Variants in XRCC5 observed in about 807,000 individuals in gnomAD.
XRCC5 encodes X-ray repair cross complementing 5.
In XRCC5, 12 loss-of-function variants were observed where a neutral mutation model predicts 95.7. That is an observed-to-expected ratio of 0.13 (90% CI 0.08 to 0.20). The LOEUF (loss-of-function observed/expected upper bound fraction) is 0.20. XRCC5 is among the 10% of genes least tolerant of loss of function. The probability of loss-of-function intolerance (pLI) is 1.00; values close to 1 mark genes in which losing one functional copy is unlikely to be tolerated. For missense variants in XRCC5, 595 were observed against 873.9 expected, an observed-to-expected ratio of 0.68 and a Z score of 4.02; for synonymous variants, 281 against 290.3, an observed-to-expected ratio of 0.97 and a Z score of 0.33.
At chr2:216,118,770 G>A (rs1215811926) in intron 4 of XRCC5, among the ~76,000 whole-genome samples, 1 of 152,176 alleles carries the variant, frequency 6.6e-6, no homozygotes, top group Non-Finnish European at 1.5e-5. Flanking sequence ...TGGAGGCTGG[G>A]AAGGGATATT....
intron 17 of XRCC5, among the ~76,000 whole-genome samples, chr2:216,191,261 A>G (rs1466377194): frequency 6.6e-6 from 1 of 152,192 alleles, no homozygotes; most frequent in Non-Finnish European, 1.5e-5. Flanking sequence ...GTGTCTTATA[A>G]CACCTCTGTG....
chr2:216,198,426 G>C (rs1352137093), intron 19 of XRCC5, among the ~76,000 whole-genome samples: 1 of 152,152 alleles, frequency 6.6e-6, no homozygotes, highest in Non-Finnish European at 1.5e-5. Context: ...ACCTGTCACT[G>C]TATCATGCCT....
intron 2 of XRCC5, among the ~76,000 whole-genome samples, chr2:216,114,213 A>G (rs760369365): frequency 2.4e-4 from 37 of 152,218 alleles, no homozygotes; most frequent in Admixed American, 1.1e-3. Context: ...TGCCCCTTCT[A>G]CTTGGTATGA....
At chr2:216,110,930 C>T (rs1391898854) in intron 1 of XRCC5, among the ~76,000 whole-genome samples, 1 of 151,756 alleles carries the variant, frequency 6.6e-6, no homozygotes, top group African/African-American at 2.4e-5. Context: ...TCAGAAATCT[C>T]TTAGTGCATT....
At chr2:216,153,391 G>C (rs1688781756) in intron 14 of XRCC5, among the ~76,000 whole-genome samples, 1 of 152,142 alleles carries the variant, frequency 6.6e-6, no homozygotes, top group Non-Finnish European at 1.5e-5. Context: ...TGTAGAATTT[G>C]TCCTCAGAAA....
chr2:216,126,907 C>CT lies in XRCC5; in HGVS notation c.799-617dup, dbSNP rs532007858. On this transcript the variant is annotated intron_variant, in intron 7 of 20. Transcript: ENST00000392132. Reference sequence around the variant, plus strand: ...GATTTCTGACACAGATATATTGCTTCTTTTTTTTTTTTCTATTGGAAACTA... The same window carrying CT: ...GATTTCTGACACAGATATATTGCTTCTTTTTTTTTTTTTCTATTGGAAACTA... Among the ~76,000 whole-genome samples, 665 of 144,748 alleles carry CT rather than the reference C, an allele frequency of 4.6e-3. 3 individuals carry two copies. Among genetic ancestry groups the CT allele is most frequent in the African/African-American group, 0.014 (539 of 39,718 alleles). The allele number at this position is 144,748 out of a possible 152,430, so 95.0% of individuals were successfully genotyped here.
intron 16 of XRCC5, among the ~76,000 whole-genome samples, chr2:216,169,884 A>AG (rs397694893): frequency 6.7e-6 from 1 of 150,286 alleles, no homozygotes; most frequent in African/African-American, 2.5e-5. Flanking sequence ...AAAAAAAAAA[A>AG]CAAACTTAGG....
At chr2:216,157,767 G>T (rs1200477637) in intron 14 of XRCC5, among the ~76,000 whole-genome samples, 1 of 152,148 alleles carries the variant, frequency 6.6e-6, no homozygotes, top group Non-Finnish European at 1.5e-5. Flanking sequence ...AAATAAGAAA[G>T]GAGAAAGAAC....
At chr2:216,159,763 G>T (rs1688914547) in intron 14 of XRCC5, among the ~76,000 whole-genome samples, 3 of 152,148 alleles carry the variant, frequency 2.0e-5, no homozygotes, top group Non-Finnish European at 4.4e-5. Flanking sequence ...TGTGCTTGCA[G>T]TTTCATCTTT....
At chr2:216,197,107 G>A (rs375111601) in intron 19 of XRCC5, among the ~76,000 whole-genome samples, 3 of 152,188 alleles carry the variant, frequency 2.0e-5, no homozygotes, top group Non-Finnish European at 4.4e-5. Flanking sequence ...ATATTAGACA[G>A]GAAAGAAATC....
intron 7 of XRCC5, 134 bp downstream of exon 7, chr2:216,126,165 T>G: frequency 1.5e-6 from 1 of 684,822 alleles, no homozygotes; most frequent in South Asian, 2.1e-5. Context: ...CCCTGCTCAT[T>G]TAATCTCTGT....
chr2:216,117,630 T>G (rs764208966), intron 3 of XRCC5, 116 bp from the exon 4 acceptor site: 2 of 990,700 alleles, frequency 2.0e-6, no homozygotes, highest in African/African-American at 3.2e-5. Flanking sequence ...GCAAGTACTT[T>G]AAGTCATCAC....
intron 16 of XRCC5, among the ~76,000 whole-genome samples, chr2:216,162,735 TAA>T (rs1478024818): frequency 2.0e-5 from 3 of 152,166 alleles, no homozygotes; most frequent in Non-Finnish European, 4.4e-5. Flanking sequence ...GTTCCAGTCC[TAA>T]GAGTTTGTGG....
chr2:216,114,963 AAGG>A (rs1158888809), intron 2 of XRCC5, among the ~76,000 whole-genome samples: 25 of 152,104 alleles, frequency 1.6e-4, no homozygotes, highest in Admixed American at 1.4e-3. Flanking sequence ...GGGAGGAACA[AAGG>A]AGACTGGAAG....
chr2:216,116,717 A>G lies in XRCC5; in HGVS notation c.194A>G (p.Asp65Gly), dbSNP rs773712628. The G allele has an allele frequency of 6.2e-7, 1 of 1,614,228 alleles. No individual in the cohort carries two copies. Among genetic ancestry groups the G allele is most frequent in the South Asian group, 1.1e-5 (1 of 91,090 alleles). ...ALVLFGTDGT[D>G]NPLSGGDQYQ... ...GTCCTGTTTGGTACAGATGGCACTGACAATCCCCTTTCTGGTGGGGATCAG... is the reference window on the plus strand; with the variant it reads ...GTCCTGTTTGGTACAGATGGCACTGGCAATCCCCTTTCTGGTGGGGATCAG... The change falls in exon 3 of 21, where the codon GAC (aspartate) becomes GGC (glycine). Residue 65 changes from aspartate to glycine, a missense_variant. By Grantham distance (94) the Asp-to-Gly change is moderately conservative. Transcript: ENST00000392132.
At position 216,127,394 on chromosome 2, in the gene XRCC5, A is replaced by G. The variant is rs557801244; in HGVS notation, c.799-142A>G. The G allele has an allele frequency of 2.6e-5, 23 of 870,468 alleles. No individual in the cohort carries two copies. In the African/African-American group the frequency reaches 3.8e-4, roughly 14 times the overall value. The allele number at this position is 870,468 out of a possible 1,614,324, so 53.9% of individuals were successfully genotyped here. Reference sequence around the variant, plus strand: ...TTATGAAATAAACTAAAATTTTCATAATAGGCATGAGCAAACAAAATAATG... The same window carrying G: ...TTATGAAATAAACTAAAATTTTCATGATAGGCATGAGCAAACAAAATAATG... On this transcript the variant is annotated intron_variant, in intron 7 of 20. Coordinates refer to ENST00000392132, the MANE Select transcript of XRCC5 (RefSeq NM_021141.4).
At chr2:216,127,795 C>T in intron 8 of XRCC5, 121 bp downstream of exon 8, 1 of 1,188,702 alleles carries the variant, frequency 8.4e-7, no homozygotes, top group Non-Finnish European at 1.1e-6. Flanking sequence ...AGAAATATAA[C>T]AGTTTGAAAG....
intron 14 of XRCC5, among the ~76,000 whole-genome samples, chr2:216,155,921 A>G (rs1471556011): frequency 6.6e-6 from 1 of 152,198 alleles, no homozygotes; most frequent in Non-Finnish European, 1.5e-5. Flanking sequence ...ATATTTGATA[A>G]TGTGCTAAGA....
chr2:216,136,637 C>G (rs896814813), intron 10 of XRCC5, among the ~76,000 whole-genome samples: 1 of 152,110 alleles, frequency 6.6e-6, no homozygotes, highest in African/African-American at 2.4e-5. Flanking sequence ...TGATGGGTGA[C>G]TTCAGAGGAT....
Sources: allele counts gnomAD v4.1 joint callset (sites outside exome capture counted in the v4.1 genomes callset), GRCh38; gene constraint gnomAD v4.1.1; transcripts MANE v1.5; gene names NCBI Gene and HGNC (gene_info 2026-07-23, HGNC 2026-07-21).